The following DDX60 variants were observed in gnomAD, a reference collection of about 807,000 sequenced individuals.
DDX60 encodes the protein DExD/H-box helicase 60, also known as probable ATP-dependent RNA helicase DDX60.
Under a neutral mutation model 212.8 loss-of-function variants are expected in DDX60, and 165 were observed. The ratio of observed to expected loss-of-function variants is 0.78; its 90% CI spans 0.68 to 0.88. The LOEUF is 0.88. Among genes scored for constraint, DDX60 ranks in the 40% least tolerant of loss-of-function variants. The probability of loss-of-function intolerance (pLI) is 0.00; values close to 1 mark genes in which losing one functional copy is unlikely to be tolerated. For synonymous variants in DDX60, 703 were observed against 685.3 expected, an observed-to-expected ratio of 1.03 and a Z score of -0.40; for missense variants, 1,905 against 2,003.9, an observed-to-expected ratio of 0.95 and a Z score of 0.94.
Position 168,255,727 on chromosome 4 carries a change from C to G in DDX60, c.3541G>C (p.Glu1181Gln). The change falls in exon 26 of 38, where the codon GAG (glutamate) becomes CAG (glutamine). Residue 1181 changes from glutamate to glutamine, a missense_variant. Glu to Gln is a conservative substitution (Grantham distance 29). Transcript: ENST00000393743. ...NKLRKVKKSIEKQKIIDEKSQ... is the reference protein window; with the variant it reads ...NKLRKVKKSIQKQKIIDEKSQ... ...ACTACTTACATGATCTTTTGTTTCT[C>G]TATGGATTTTTTAACTTTTCGAAGT... 1 of 1,590,280 alleles carries G rather than the reference C, an allele frequency of 6.3e-7. No individual in the cohort carries two copies.
chr4:168,312,725 C>CACAGATAGATAGATAGATAGATAG (rs1737190438), intron 1 of DDX60, among the ~76,000 whole-genome samples: 2 of 59,846 alleles, frequency 3.3e-5, no homozygotes, highest in Non-Finnish European at 6.3e-5. Flanking sequence ...ATGATGGATA[C>CACAGATAGATAGATAGATAGATAG]ACAGATAGAT....
intron 10 of DDX60, among the ~76,000 whole-genome samples, chr4:168,286,599 T>C (rs1735872315): frequency 1.3e-5 from 2 of 152,106 alleles, no homozygotes; most frequent in Non-Finnish European, 2.9e-5. Flanking sequence ...GTCGGGATCC[T>C]TTCTTATTTA....
rs1264265585 is a variant in DDX60 at position 168,252,563 on chromosome 4, G to A, written c.3651C>T (p.Asn1217=). The change falls in exon 27 of 38, where the codon AAC becomes AAT. Residue 1217 remains asparagine, a synonymous_variant. Transcript: ENST00000393743. ...HDNLVKCLEK[N]LEIPQDCTYA... is the part of the protein sequence containing the mutation. ...ATGTGCAGTCCTGTGGGATTTCCAG[G>A]TTCTTCTCTAGACACTTCACTAGAT... 1.9e-6 allele frequency: 3 copies of A among 1,613,738 alleles called. No homozygotes were observed.
chr4:168,230,872 A>C (rs1446076736), intron 33 of DDX60, among the ~76,000 whole-genome samples: 1 of 152,052 alleles, frequency 6.6e-6, no homozygotes, highest in Middle Eastern at 3.2e-3. Context: ...AAACAAACAA[A>C]CAAAACCAAT....
At chr4:168,316,510 T>C (rs1737385729) in intron 1 of DDX60, among the ~76,000 whole-genome samples, 1 of 152,138 alleles carries the variant, frequency 6.6e-6, no homozygotes, top group South Asian at 2.1e-4. Flanking sequence ...AGCAATAGCA[T>C]CTGAAGACAA....
chr4:168,319,184 A>T (rs1737539162), upstream of DDX60, among the ~76,000 whole-genome samples: 1 of 152,206 alleles, frequency 6.6e-6, no homozygotes, highest in Non-Finnish European at 1.5e-5. Context: ...TACAATTATT[A>T]TGCGTCAATT....
rs139863517 is a variant in DDX60 at position 168,271,248 on chromosome 4, C to A, written c.2670+795G>T. Reference sequence around the variant, plus strand: ...TTCCATTTGCCCCAATAAATCGCTACAAATCTACATTGTTTTTTATTCTGC... The same window carrying A: ...TTCCATTTGCCCCAATAAATCGCTAAAAATCTACATTGTTTTTTATTCTGC... On this transcript the variant is annotated intron_variant, in intron 19 of 37. Transcript: ENST00000393743. Among the ~76,000 whole-genome samples, 27 of 152,302 alleles carry A rather than the reference C, an allele frequency of 1.8e-4. No individual in the cohort carries two copies. The East Asian group carries it at 3.9e-3, about 22-fold the overall frequency.
intron 2 of DDX60, 86 bp downstream of exon 2, chr4:168,311,170 T>C (rs1737117626): frequency 1.3e-6 from 2 of 1,502,268 alleles, no homozygotes; most frequent in South Asian, 1.2e-5. Flanking sequence ...AAAACAGTAA[T>C]GTGGTTATTT....
chr4:168,296,044 T>G (rs1243993032), intron 6 of DDX60, among the ~76,000 whole-genome samples: 1 of 152,004 alleles, frequency 6.6e-6, no homozygotes, highest in Admixed American at 6.5e-5. Context: ...GTACAAACTT[T>G]CAGATAAAAA....
At chr4:168,262,267 T>G (rs1734653775) in intron 23 of DDX60, 139 bp from the exon 24 acceptor site, 2 of 870,606 alleles carry the variant, frequency 2.3e-6, no homozygotes, top group East Asian at 5.7e-5. Context: ...ACATGGCTTC[T>G]AATGCATAAC....
At chr4:168,255,969 G>C in intron 25 of DDX60, 100 bp from the exon 26 acceptor site, 1 of 1,242,100 alleles carries the variant, frequency 8.1e-7, no homozygotes, top group Non-Finnish European at 1.1e-6. Flanking sequence ...TGCCTGTTGG[G>C]TTTTTAATAC....
At chr4:168,296,651 C>A (rs1288109332) in intron 6 of DDX60, among the ~76,000 whole-genome samples, 1 of 151,876 alleles carries the variant, frequency 6.6e-6, no homozygotes, top group African/African-American at 2.4e-5. Context: ...ATTAAAGTAT[C>A]TTGTAACAAA....
At chr4:168,298,641 A>T (rs986171349) in intron 6 of DDX60, among the ~76,000 whole-genome samples, 2 of 152,174 alleles carry the variant, frequency 1.3e-5, no homozygotes, top group Non-Finnish European at 2.9e-5. Context: ...ACTCACCTAT[A>T]GTAACAAATT....
chr4:168,259,627 G>C (rs1010352533), intron 25 of DDX60, among the ~76,000 whole-genome samples: 1 of 151,098 alleles, frequency 6.6e-6, no homozygotes, highest in African/African-American at 2.4e-5. Context: ...AGTGTAGCTT[G>C]AAATTGCCCA....
chr4:168,263,210 T>G (rs1734697637), intron 22 of DDX60, among the ~76,000 whole-genome samples: 1 of 152,146 alleles, frequency 6.6e-6, no homozygotes, highest in South Asian at 2.1e-4. Flanking sequence ...AAAATCTTAT[T>G]TGCTTAAGTT....
intron 33 of DDX60, 31 bp from the exon 34 acceptor site, chr4:168,225,707 A>C: frequency 6.3e-7 from 1 of 1,596,714 alleles, no homozygotes; most frequent in Non-Finnish European, 8.5e-7. Flanking sequence ...ATAGAGATAG[A>C]TCTATTTACC....
intron 35 of DDX60, 38 bp downstream of exon 35, chr4:168,224,205 T>C: frequency 6.2e-7 from 1 of 1,608,844 alleles, no homozygotes; most frequent in Non-Finnish European, 8.5e-7. Flanking sequence ...CATTCTTTCT[T>C]AAACAGCTTT....
Position 168,291,836 on chromosome 4 carries a change from A to G in DDX60, c.953T>C (p.Phe318Ser). ...LCKLHCLTVV[F>S]LLHLPLSQRA... ...TTGAGAAAGAGGCAGATGGAGTAGAAAAACCACAGTGAGACAATGCAGTTT... is the reference window on the plus strand; with the variant it reads ...TTGAGAAAGAGGCAGATGGAGTAGAGAAACCACAGTGAGACAATGCAGTTT... The change falls in exon 8 of 38, where the codon TTT (phenylalanine) becomes TCT (serine). Residue 318 changes from phenylalanine (F) to serine (S), a missense_variant. Physicochemically the swap from Phe to Ser is radical, Grantham distance 155. Transcript: ENST00000393743. 6.2e-7 allele frequency: 1 copy of G among 1,613,884 alleles called. No homozygotes were observed. Among genetic ancestry groups the G allele is most frequent in the African/African-American group, 1.3e-5 (1 of 75,040 alleles).
At chr4:168,232,304 C>A (rs1303350942) in intron 33 of DDX60, among the ~76,000 whole-genome samples, 1 of 151,668 alleles carries the variant, frequency 6.6e-6, no homozygotes, top group Non-Finnish European at 1.5e-5. Flanking sequence ...AAGCAATCTA[C>A]AAATTCAATT....
Sources: allele counts gnomAD v4.1 joint callset (sites outside exome capture counted in the v4.1 genomes callset), GRCh38; gene constraint gnomAD v4.1.1; transcripts MANE v1.5; gene names NCBI Gene and HGNC (gene_info 2026-07-23, HGNC 2026-07-21).